The following TMPRSS9 variants were observed in gnomAD, a reference collection of about 807,000 sequenced individuals.
TMPRSS9 encodes transmembrane protease serine 9.
In TMPRSS9, 113 loss-of-function variants were observed where a neutral mutation model predicts 111.4. That is an observed-to-expected ratio of 1.01 (90% CI 0.87 to 1.19). TMPRSS9 has a LOEUF of 1.19. TMPRSS9 is among the 50% of genes most tolerant of loss of function. The pLI is 0.00. For synonymous variants in TMPRSS9, 805 were observed against 659.1 expected, an observed-to-expected ratio of 1.22 and a Z score of -3.39; for missense variants, 1,803 against 1,513.1, an observed-to-expected ratio of 1.19 and a Z score of -3.18.
rs1395532570 is a variant in TMPRSS9 at position 2,425,208 on chromosome 19, CGCGACCCCCGGACGGCACGCGCT to C, written c.2928_2950del (p.Pro977HisfsTer58). On this transcript the variant is annotated frameshift_variant, in exon 16 of 18. Transcript: ENST00000648592. LOFTEE classifies it high-confidence loss of function. The stretch of plus-strand genomic sequence containing the variant: ...CCCATCTGCCTGCCCGAGCCCGCGC[CGCGACCCCCGGACGGCACGCGCT>C]GCGTCATCACCGGCTGGGGCTCGGT... 2 of 1,504,734 alleles carry C rather than the reference CGCGACCCCCGGACGGCACGCGCT, an allele frequency of 1.3e-6. No individual in the cohort carries two copies. Among genetic ancestry groups the C allele is most frequent in the African/African-American group, 2.9e-5 (2 of 70,030 alleles). The allele number at this position is 1,504,734 out of a possible 1,614,324, so 93.2% of individuals were successfully genotyped here.
exon 18 of TMPRSS9, chr19:2,426,087 G>T: frequency 1.3e-6 from 2 of 1,584,976 alleles, no homozygotes; most frequent in South Asian, 2.3e-5. Flanking sequence ...ATCCAGGAGT[G>T]ACCACCACGT....
chr19:2,362,314 TTGTG>T (rs1283028946), intron 1 of TMPRSS9, among the ~76,000 whole-genome samples: 3 of 151,990 alleles, frequency 2.0e-5, no homozygotes, highest in Non-Finnish European at 2.9e-5. Context: ...GTCATGATGT[TTGTG>T]TGATTGTATA....
In TMPRSS9 at chr19:2,403,991, C is replaced by CAA. The variant is rs924148287; in HGVS notation, c.670+813_670+814dup. 6.9e-3 allele frequency among the ~76,000 whole-genome samples: 349 copies of CAA among 50,428 alleles called. 6 individuals carry two copies. The highest frequency in any genetic ancestry group is 0.022 in the African/African-American group (309 of 14,362). The allele number at this position is 50,428 out of a possible 152,430, so 33.1% of individuals were successfully genotyped here. Reference sequence around the variant, plus strand: ...CTGGCAACAGAGCGAGACTCTGTCTCAAAAAAAAAAAAAAAAAAGAAAAAA... The same window carrying CAA: ...CTGGCAACAGAGCGAGACTCTGTCTCAAAAAAAAAAAAAAAAAAAAGAAAAAA... On this transcript the variant is annotated intron_variant, in intron 6 of 17. Transcript: ENST00000648592.
rs192017354 is a variant in TMPRSS9, at chr19:2,403,866, G to A, written c.670+671G>A. Among the ~76,000 whole-genome samples the A allele has an allele frequency of 1.6e-3, 237 of 151,786 alleles. 2 individuals carry two copies. Among genetic ancestry groups the A allele is most frequent in the African/African-American group, 5.4e-3 (225 of 41,390 alleles). ...AAATTAGCCGGGCGTGGTGGCGGGC[G>A]CCTGTAGTCCCAGCTATTTGGGAGG... On this transcript the variant is annotated intron_variant, in intron 6 of 17. Transcript: ENST00000648592.
At chr19:2,370,955 C>T (rs1314413112) in intron 1 of TMPRSS9, among the ~76,000 whole-genome samples, 2 of 152,096 alleles carry the variant, frequency 1.3e-5, no homozygotes, top group Admixed American at 1.3e-4. Flanking sequence ...GAGCCAGACC[C>T]TATCTCAAAA....
intron 11 of TMPRSS9, chr19:2,416,271 TG>T (rs5826767): frequency 0.11 from 51,481 of 478,538 alleles, 5,117 homozygotes; most frequent in East Asian, 0.4. Flanking sequence ...TGTAGGGGGT[TG>T]GGGGGGGGCA....
At chr19:2,375,246 A>G (rs575099249) in intron 1 of TMPRSS9, among the ~76,000 whole-genome samples, 3 of 152,344 alleles carry the variant, frequency 2.0e-5, no homozygotes, top group African/African-American at 7.2e-5. Context: ...ATCTTGTTCT[A>G]TAGACTTTGG....
chr19:2,391,049 G>C (rs922872449), intron 1 of TMPRSS9, among the ~76,000 whole-genome samples: 13 of 116,798 alleles, frequency 1.1e-4, no homozygotes, highest in African/African-American at 3.7e-4. Flanking sequence ...GGGAGGGAGG[G>C]AGGGAGGCAG....
intron 7 of TMPRSS9, among the ~76,000 whole-genome samples, chr19:2,407,490 G>A (rs1970991162): frequency 6.6e-6 from 1 of 151,652 alleles, no homozygotes; most frequent in Non-Finnish European, 1.5e-5. Context: ...TCACGCCACT[G>A]CACTCCAGTC....
At chr19:2,379,724 TTCTCTTTC>T (rs1171389012) in intron 1 of TMPRSS9, among the ~76,000 whole-genome samples, 2 of 149,824 alleles carry the variant, frequency 1.3e-5, no homozygotes, top group Non-Finnish European at 3.0e-5. Flanking sequence ...CTTCCTCTTT[TTCTCTTTC>T]TCTCTCTCTC....
chr19:2,405,091 G>T (rs1421355535), intron 6 of TMPRSS9, among the ~76,000 whole-genome samples: 1 of 151,990 alleles, frequency 6.6e-6, no homozygotes, highest in Non-Finnish European at 1.5e-5. Context: ...ATGTACGTGG[G>T]GTCATCGCCC....
chr19:2,380,603 A>C (rs1021812964), intron 1 of TMPRSS9, among the ~76,000 whole-genome samples: 29 of 151,628 alleles, frequency 1.9e-4, no homozygotes, highest in African/African-American at 6.5e-4. Context: ...TCCACCAAAA[A>C]AAAAAAAAAA....
intron 15 of TMPRSS9, 96 bp downstream of exon 16, chr19:2,424,353 C>G (rs924288899): frequency 8.2e-7 from 1 of 1,224,808 alleles, no homozygotes; most frequent in African/African-American, 1.6e-5. Flanking sequence ...CCTCCTTTGC[C>G]GGGAGTGCCC....
chr19:2,420,378 G>A (rs1415420126), intron 13 of TMPRSS9, among the ~76,000 whole-genome samples: 1 of 148,352 alleles, frequency 6.7e-6, no homozygotes, highest in African/African-American at 2.5e-5. Context: ...GGAGGCGGAG[G>A]TCACAGTGAG....
intron 14 of TMPRSS9, among the ~76,000 whole-genome samples, chr19:2,423,324 A>T (rs1426310880): frequency 6.6e-6 from 1 of 151,984 alleles, no homozygotes; most frequent in African/African-American, 2.4e-5. Flanking sequence ...GTTCCCAAGG[A>T]CAGCGGCTGC....
chr19:2,379,923 A>G (rs1455291714), intron 1 of TMPRSS9, among the ~76,000 whole-genome samples: 1 of 151,280 alleles, frequency 6.6e-6, no homozygotes, highest in Non-Finnish European at 1.5e-5. Flanking sequence ...TACTTTTTCT[A>G]TTTTTTATAG....
intron 15 of TMPRSS9, among the ~76,000 whole-genome samples, chr19:2,424,576 GGGTCAC>G: frequency 6.6e-6 from 1 of 150,536 alleles, no homozygotes; most frequent in African/African-American, 2.5e-5. Context: ...GGGAACATTG[GGGTCAC>G]TTCTTTCCCC....
chr19:2,370,755 A>G (rs1330467255), intron 1 of TMPRSS9, among the ~76,000 whole-genome samples: 1 of 151,944 alleles, frequency 6.6e-6, no homozygotes, highest in Non-Finnish European at 1.5e-5. Flanking sequence ...TTATATATAT[A>G]TTGCCCAGAC....
At chr19:2,418,165 C>T (rs754539962) in intron 13 of TMPRSS9, 27 bp downstream of exon 14, 2 of 1,576,494 alleles carry the variant, frequency 1.3e-6, no homozygotes, top group East Asian at 4.5e-5. Flanking sequence ...GGAAAGCGGG[C>T]AATATTTCCA....
Sources: allele counts gnomAD v4.1 joint callset (sites outside exome capture counted in the v4.1 genomes callset), GRCh38; gene constraint gnomAD v4.1.1; transcripts MANE v1.5; gene names NCBI Gene and HGNC (gene_info 2026-07-23, HGNC 2026-07-21).